Variants in SQOR observed in about 807,000 individuals in gnomAD.
The protein encoded by SQOR is sulfide:quinone oxidoreductase, mitochondrial.
A neutral mutation model predicts 48.6 loss-of-function variants in SQOR; 39 were observed. The ratio of observed to expected loss-of-function variants is 0.80; its 90% CI spans 0.62 to 1.05. The LOEUF (loss-of-function observed/expected upper bound fraction) is 1.05, where lower values mean the gene tolerates loss of function less well. Among genes scored for constraint, SQOR ranks in the 50% least tolerant of loss-of-function variants. The probability of loss-of-function intolerance (pLI) is 0.00; values close to 1 mark genes in which losing one functional copy is unlikely to be tolerated. For synonymous variants in SQOR, 220 were observed against 206.2 expected (o/e 1.07, Z -0.57); for missense variants, 561 against 559.9 (o/e 1.00, Z -0.02).
chr15:45,668,385 CTTTAA>C (rs1445158345), intron 3 of SQOR, among the ~76,000 whole-genome samples: 3 of 152,236 alleles, frequency 2.0e-5, no homozygotes, highest in Non-Finnish European at 4.4e-5. Context: ...GAGTTCCTCA[CTTTAA>C]TTTAGTGACT....
chr15:45,634,348 C>T (rs1043723543), upstream of SQOR, among the ~76,000 whole-genome samples: 7 of 151,318 alleles, frequency 4.6e-5, no homozygotes, highest in African/African-American at 1.7e-4. Context: ...TTGGGACACC[C>T]TGTATTTATT....
At position 45,676,214 on chromosome 15, in the gene SQOR, T is replaced by A; in HGVS notation, c.768T>A (p.Thr256=). ...LQEIIQERNL[T]VNYKKNLIEV... ...AGATCATCCAGGAGCGGAACCTCAC[T>A]GTTAACTACAAGAAAAACCTCATTG... Residue 256 remains threonine (T), a synonymous_variant, in exon 6 of 10, where the codon ACT becomes ACA. Transcript: ENST00000260324. The A allele has an allele frequency of 6.2e-7, 1 of 1,614,114 alleles. No homozygotes were observed. Among genetic ancestry groups the A allele is most frequent in the Non-Finnish European group, 8.5e-7 (1 of 1,180,016 alleles).
chr15:45,678,506 T>C (rs1216993404), intron 6 of SQOR, among the ~76,000 whole-genome samples: 1 of 152,176 alleles, frequency 6.6e-6, no homozygotes, highest in Non-Finnish European at 1.5e-5. Context: ...ATTTGGTCAG[T>C]AGATTTCCCT....
intron 3 of SQOR, among the ~76,000 whole-genome samples, chr15:45,666,040 CT>C (rs764583239): frequency 6.6e-4 from 100 of 152,250 alleles, no homozygotes; most frequent in South Asian, 2.7e-3. Context: ...CTGGTCCTTG[CT>C]CCTTCTCCAG....
chr15:45,644,692 A>G (rs1440034200), intron 1 of SQOR, among the ~76,000 whole-genome samples: 1 of 152,172 alleles, frequency 6.6e-6, no homozygotes, highest in Non-Finnish European at 1.5e-5. Flanking sequence ...AGGGGAAAGA[A>G]CAGGCAAAAG....
chr15:45,675,142 C>A (rs1285667871), intron 5 of SQOR, among the ~76,000 whole-genome samples: 1 of 152,096 alleles, frequency 6.6e-6, no homozygotes, highest in Non-Finnish European at 1.5e-5. Context: ...TCCGGGTGAG[C>A]AAATCATGAA....
intron 1 of SQOR, among the ~76,000 whole-genome samples, chr15:45,635,987 C>T (rs187773839): frequency 1.3e-5 from 2 of 152,176 alleles, no homozygotes; most frequent in East Asian, 3.9e-4. Flanking sequence ...AGGCGCAGCA[C>T]ACCTGGCTAA....
At chr15:45,662,454 C>A (rs1270881452) in intron 3 of SQOR, among the ~76,000 whole-genome samples, 1 of 152,130 alleles carries the variant, frequency 6.6e-6, no homozygotes, top group Non-Finnish European at 1.5e-5. Context: ...TAGCAAGCAC[C>A]TTCCTCCTTC....
chr15:45,671,789 G>A (rs1350098817), intron 4 of SQOR, among the ~76,000 whole-genome samples: 1 of 152,104 alleles, frequency 6.6e-6, no homozygotes, highest in Admixed American at 6.5e-5. Context: ...AGCTTCACAG[G>A]GTCTCTGCAG....
At chr15:45,644,666 A>G (rs675890) in intron 1 of SQOR, among the ~76,000 whole-genome samples, 39,815 of 151,910 alleles carry the variant, frequency 0.26, 6,550 homozygotes, top group East Asian at 0.64. Flanking sequence ...GCGTAGGTGA[A>G]GGGGCAGAAA....
intron 7 of SQOR, among the ~76,000 whole-genome samples, chr15:45,685,602 G>A (rs1214363990): frequency 1.3e-5 from 2 of 152,144 alleles, no homozygotes; most frequent in Non-Finnish European, 2.9e-5. Flanking sequence ...CACACTTTAA[G>A]CCTGGACGTT....
At chr15:45,657,492 A>G (rs749692556) in intron 1 of SQOR, among the ~76,000 whole-genome samples, 1 of 152,152 alleles carries the variant, frequency 6.6e-6, no homozygotes, top group Non-Finnish European at 1.5e-5. Context: ...GAAACACTGT[A>G]TGAGCCTGTC....
At position 45,674,726 on chromosome 15, in the gene SQOR, C is replaced by A. The variant is rs183570494; in HGVS notation, c.654+925C>A. Among the ~76,000 whole-genome samples the A allele has an allele frequency of 3.3e-5, 5 of 152,324 alleles. No homozygotes were observed. In the East Asian group the frequency reaches 9.7e-4, roughly 29 times the overall value. On this transcript the variant is annotated intron_variant, in intron 5 of 9. Transcript: ENST00000260324. ...AGACTTTCTCAGCATTCTCCAAATG[C>A]TCTCTGTGTAAGAGCAGTTGTCTGC...
At chr15:45,663,060 C>T (rs1025198794) in intron 3 of SQOR, among the ~76,000 whole-genome samples, 2 of 152,132 alleles carry the variant, frequency 1.3e-5, no homozygotes, top group African/African-American at 4.8e-5. Flanking sequence ...CTTTGTCACC[C>T]AGGCTGGAGT....
intron 1 of SQOR, among the ~76,000 whole-genome samples, chr15:45,658,551 G>A (rs1174090861): frequency 1.3e-5 from 2 of 151,992 alleles, no homozygotes; most frequent in South Asian, 2.1e-4. Flanking sequence ...TGGAGAATGG[G>A]CCAACAGCTG....
intron 1 of SQOR, among the ~76,000 whole-genome samples, chr15:45,652,355 G>A (rs1889509040): frequency 6.7e-6 from 1 of 148,962 alleles, no homozygotes; most frequent in African/African-American, 2.5e-5. Context: ...GATTGATTGA[G>A]ACAGAGTCCC....
At chr15:45,647,782 T>C (rs1271057691) in intron 1 of SQOR, among the ~76,000 whole-genome samples, 4 of 151,910 alleles carry the variant, frequency 2.6e-5, no homozygotes, top group Non-Finnish European at 5.9e-5. Flanking sequence ...TGGGCGTGGT[T>C]GTGGGTGCCT....
chr15:45,642,437 T>A (rs1895121440), intron 1 of SQOR, among the ~76,000 whole-genome samples: 1 of 152,192 alleles, frequency 6.6e-6, no homozygotes, highest in Admixed American at 6.5e-5. Flanking sequence ...TGATGACTAA[T>A]TCAAAATTCA....
At chr15:45,671,148 A>G (rs1889934806) in intron 4 of SQOR, among the ~76,000 whole-genome samples, 1 of 152,192 alleles carries the variant, frequency 6.6e-6, no homozygotes, top group Admixed American at 6.5e-5. Flanking sequence ...GAACCATGGT[A>G]GGAATCAAAT....
Sources: allele counts gnomAD v4.1 joint callset (sites outside exome capture counted in the v4.1 genomes callset), GRCh38; gene constraint gnomAD v4.1.1; transcripts MANE v1.5; gene names NCBI Gene and HGNC (gene_info 2026-07-23, HGNC 2026-07-21).